Variants in PCDHA8 observed in about 807,000 individuals in gnomAD.
PCDHA8 encodes protocadherin alpha-8.
In PCDHA8, 53 loss-of-function variants were observed where a neutral mutation model predicts 61.8. That is an observed-to-expected ratio of 0.86 (90% confidence interval 0.69 to 1.08). PCDHA8 has a LOEUF of 1.08. Ranked by LOEUF, PCDHA8 falls within the 50% of genes least tolerant of loss-of-function variation. The pLI, the probability that PCDHA8 is intolerant of heterozygous loss-of-function variation, is 0.00. For synonymous variants in PCDHA8, 618 were observed against 556.6 expected, an observed-to-expected ratio of 1.11 and a Z score of -1.55; for missense variants, 1,293 against 1,245.0, an observed-to-expected ratio of 1.04 and a Z score of -0.58.
In PCDHA8 at chr5:140,842,145, G is replaced by T. The variant is rs2150330392; in HGVS notation, c.824G>T (p.Gly275Val). ...TCTGATCCGGATGAAGGAGCCAATG[G>T]GGCAATTTCATATTCTTTTAATAGC... ...NASDPDEGANGAISYSFNSLV... is the reference protein window; with the variant it reads ...NASDPDEGANVAISYSFNSLV... Residue 275 changes from glycine (G) to valine (V), a missense_variant, in exon 1 of 4, where the codon GGG becomes GTG. Transcript: ENST00000531613. The T allele has an allele frequency of 6.2e-7, 1 of 1,613,710 alleles. No homozygotes were observed. Among genetic ancestry groups the T allele is most frequent in the Non-Finnish European group, 8.5e-7 (1 of 1,179,858 alleles).
intron 1 of PCDHA8, chr5:140,861,500 C>A: frequency 6.2e-6 from 3 of 482,022 alleles, no homozygotes; most frequent in South Asian, 1.6e-5. Flanking sequence ...CTCTGATAGA[C>A]CTCGAGGAGC....
chr5:140,854,977 T>TAAA (rs1554147539), intron 1 of PCDHA8, among the ~76,000 whole-genome samples: 1 of 149,962 alleles, frequency 6.7e-6, no homozygotes, highest in Non-Finnish European at 1.5e-5. Flanking sequence ...GAATTATAAT[T>TAAA]AAGATTCTTT....
At chr5:140,877,821 T>A in intron 1 of PCDHA8, 1 of 1,603,344 alleles carries the variant, frequency 6.2e-7, no homozygotes, top group East Asian at 2.2e-5. Flanking sequence ...GAGAAGATTG[T>A]TTAAATCCTC....
chr5:140,851,003 GA>G (rs2041919886), intron 1 of PCDHA8: 1 of 1,437,650 alleles, frequency 7.0e-7, no homozygotes. Flanking sequence ...AAATCCAGCA[GA>G]TTTTTTTTCT....
At chr5:140,850,588 T>A in intron 1 of PCDHA8, 1 of 1,598,352 alleles carries the variant, frequency 6.3e-7, no homozygotes, top group South Asian at 1.1e-5. Flanking sequence ...GATGTCAACG[T>A]GTACCTGATC....
intron 3 of PCDHA8, among the ~76,000 whole-genome samples, chr5:140,988,308 G>A (rs75602297): frequency 6.6e-6 from 1 of 152,298 alleles, no homozygotes; most frequent in East Asian, 1.9e-4. Flanking sequence ...TGCCAGCTTG[G>A]CTTGGCTTTC....
rs1238840347 is a variant in PCDHA8 at position 140,858,526 on chromosome 5, AT to A, written c.2394+14816del. On this transcript the variant is annotated intron_variant, in intron 1 of 3. Coordinates refer to ENST00000531613, the MANE Select transcript of PCDHA8 (RefSeq NM_018911.3). ...TCTCAAATATGTATCAGAATATTTC[AT>A]TTTTGTCTACATTCCATTTATGCTT... 6.2e-5 allele frequency: 87 copies of A among 1,407,632 alleles called. 5 individuals carry two copies. The highest frequency in any genetic ancestry group is 8.4e-5 in the Non-Finnish European group (85 of 1,016,948). The allele number at this position is 1,407,632 out of a possible 1,614,324, so 87.2% of individuals were successfully genotyped here.
intron 1 of PCDHA8, among the ~76,000 whole-genome samples, chr5:140,964,060 G>A (rs1187796756): frequency 6.6e-6 from 1 of 152,200 alleles, no homozygotes; most frequent in Non-Finnish European, 1.5e-5. Context: ...GTGTGGTCAA[G>A]GCATTAGTGT....
At chr5:140,964,417 C>T (rs1279243450) in intron 1 of PCDHA8, among the ~76,000 whole-genome samples, 15 of 152,088 alleles carry the variant, frequency 9.9e-5, no homozygotes, top group Admixed American at 9.8e-4. Context: ...TGGGGGCTTC[C>T]ATTAAAAAAT....
intron 3 of PCDHA8, among the ~76,000 whole-genome samples, chr5:141,000,397 A>C (rs590627): frequency 0.074 from 4,330 of 58,694 alleles, 135 homozygotes; most frequent in Non-Finnish European, 0.096. Flanking sequence ...CTCTCTCTCT[A>C]TATATATATA....
intron 3 of PCDHA8, among the ~76,000 whole-genome samples, chr5:140,987,098 C>A (rs2153859479): frequency 6.6e-6 from 1 of 151,952 alleles, no homozygotes; most frequent in Admixed American, 6.6e-5. Flanking sequence ...CCTGTAATCC[C>A]AGCTACTCGG....
intron 1 of PCDHA8, chr5:140,929,542 C>A (rs2086218387): frequency 1.9e-6 from 1 of 536,790 alleles, no homozygotes; most frequent in Non-Finnish European, 3.0e-6. Context: ...GAAACAAGGG[C>A]AAAAATTAAA....
At chr5:140,863,176 A>G (rs199525571) in intron 1 of PCDHA8, 25 of 723,868 alleles carry the variant, frequency 3.5e-5, no homozygotes, top group South Asian at 2.0e-4. Flanking sequence ...GCTGACTGCC[A>G]CCGTCACCGT....
At chr5:140,851,449 A>G in intron 1 of PCDHA8, 2 of 913,694 alleles carry the variant, frequency 2.2e-6, no homozygotes, top group Middle Eastern at 5.7e-4. Flanking sequence ...GCTCCACTTT[A>G]GGAATCAAAT....
chr5:140,943,751 T>C (rs947548745), intron 1 of PCDHA8, among the ~76,000 whole-genome samples: 1 of 152,048 alleles, frequency 6.6e-6, no homozygotes, highest in South Asian at 2.1e-4. Flanking sequence ...CTAAAAGCAG[T>C]AGGAGATGTA....
At chr5:140,990,134 CAA>C (rs2097375582) in intron 3 of PCDHA8, among the ~76,000 whole-genome samples, 2 of 151,958 alleles carry the variant, frequency 1.3e-5, no homozygotes, top group Non-Finnish European at 2.9e-5. Flanking sequence ...AAGTCAGACT[CAA>C]GAGGCATAAT....
rs1554253792 is a variant in PCDHA8 at position 140,993,501 on chromosome 5, C to CACAT, written c.2542+10941_2542+10942insTACA. ...ACACACACACACACACACACACACA[C>CACAT]ACACACACGGGGAGAGAGAGACAGA... is the stretch of plus-strand genomic sequence containing the variant. On this transcript the variant is annotated intron_variant, in intron 3 of 3. Transcript: ENST00000531613. Among the ~76,000 whole-genome samples, 4 of 149,100 alleles carry CACAT rather than the reference C, an allele frequency of 2.7e-5. No individual in the cohort carries two copies. In the East Asian group the frequency reaches 5.8e-4, roughly 22 times the overall value.
At chr5:140,853,462 C>T (rs1386923717) in intron 1 of PCDHA8, 1 of 971,854 alleles carries the variant, frequency 1.0e-6, no homozygotes, top group African/African-American at 1.8e-5. Context: ...TCCTTATATG[C>T]ATCTGTAGTT....
intron 3 of PCDHA8, among the ~76,000 whole-genome samples, chr5:140,997,565 A>G (rs552009994): frequency 6.6e-6 from 1 of 152,292 alleles, no homozygotes; most frequent in South Asian, 2.1e-4. Flanking sequence ...CAACTGTCAT[A>G]TGTGTGGTCC....
Sources: allele counts gnomAD v4.1 joint callset (sites outside exome capture counted in the v4.1 genomes callset), GRCh38; gene constraint gnomAD v4.1.1; transcripts MANE v1.5; gene names NCBI Gene and HGNC (gene_info 2026-07-23, HGNC 2026-07-21).